Variants in COL5A3 observed in about 807,000 individuals in gnomAD.
COL5A3 encodes the protein collagen alpha-3(V) chain.
COL5A3 carries 172 observed loss-of-function variants against 250.0 expected under a neutral mutation model. The observed-to-expected ratio is 0.69, with a 90% confidence interval of 0.61 to 0.78. The LOEUF is 0.78. Ranked by LOEUF, COL5A3 falls within the 30% of genes least tolerant of loss-of-function variation. The pLI is 0.00. For synonymous variants in COL5A3, 937 were observed against 900.4 expected, an observed-to-expected ratio of 1.04 and a Z score of -0.73; for missense variants, 2,340 against 2,334.4, an observed-to-expected ratio of 1.00 and a Z score of -0.05.
chr19:9,970,510 G>A, intron 54 of COL5A3, 112 bp downstream of exon 54: 1 of 569,038 alleles, frequency 1.8e-6, no homozygotes. Flanking sequence ...AGTGGGGTCT[G>A]TGGGTGTGTG....
chr19:9,960,376 G>T lies in COL5A3; in HGVS notation c.*35C>A. 6.2e-7 allele frequency: 1 copy of T among 1,612,754 alleles called. No homozygotes were observed. The highest frequency in any genetic ancestry group is 8.5e-7 in the Non-Finnish European group (1 of 1,179,350). The stretch of plus-strand genomic sequence containing the variant: ...TCAGCACCAAATGCACCCCATTCTG[G>T]GGCTCCCTCATGGTCCCTCCCACCC... On this transcript the variant is annotated 3_prime_UTR_variant, in exon 67 of 67. Coordinates refer to ENST00000264828, the MANE Select transcript of COL5A3 (RefSeq NM_015719.4).
At chr19:9,980,536 T>C (rs2086993175) in intron 35 of COL5A3, 112 bp downstream of exon 35, 3 of 1,455,680 alleles carry the variant, frequency 2.1e-6, no homozygotes, top group African/African-American at 1.4e-5. Flanking sequence ...TAAGCTGTGC[T>C]CTTACCACTG....
At chr19:9,980,943 C>G in intron 33 of COL5A3, 84 bp from the exon 34 acceptor site, 4 of 1,510,696 alleles carry the variant, frequency 2.6e-6, no homozygotes, top group Non-Finnish European at 3.6e-6. Context: ...GGTCCCCTCC[C>G]CTTGTGACTC....
chr19:9,997,377 A>C lies in COL5A3; in HGVS notation c.1257T>G (p.Gly419=). 1 of 1,609,132 alleles carries C rather than the reference A, an allele frequency of 6.2e-7. No individual in the cohort carries two copies. The highest frequency in any genetic ancestry group is 8.5e-7 in the Non-Finnish European group (1 of 1,177,886). The change falls in exon 11 of 67, where the codon GGT becomes GGG. Residue 419 remains glycine (G), a synonymous_variant. Coordinates refer to ENST00000264828, the MANE Select transcript of COL5A3 (RefSeq NM_015719.4). ...PGPPGFPGDP[G]PPGPAGLPGI... ...CCCAGTGGGAGTCTCTTACCGGTGG[A>C]CCAGGGTCGCCAGGGAATCCTGGGG... is the stretch of plus-strand genomic sequence containing the variant.
chr19:9,985,386 G>C (rs1050921973), intron 31 of COL5A3, among the ~76,000 whole-genome samples: 1 of 150,010 alleles, frequency 6.7e-6, no homozygotes, highest in Admixed American at 6.7e-5. Context: ...TCAGCCTCCC[G>C]AGTGGCTAGG....
At chr19:9,987,252 T>C (rs1295827053) in intron 27 of COL5A3, among the ~76,000 whole-genome samples, 5 of 152,210 alleles carry the variant, frequency 3.3e-5, no homozygotes, top group Non-Finnish European at 7.3e-5. Context: ...CGGGCTACAA[T>C]GAAATTGCGC....
At chr19:9,969,217 T>C (rs1052539094) in intron 57 of COL5A3, 132 bp downstream of exon 57, 8 of 754,316 alleles carry the variant, frequency 1.1e-5, no homozygotes, top group Non-Finnish European at 1.8e-5. Context: ...AGATGGTTAG[T>C]AGAGACAGGC....
At chr19:9,990,610 TG>T in intron 24 of COL5A3, among the ~76,000 whole-genome samples, 1 of 151,840 alleles carries the variant, frequency 6.6e-6, no homozygotes, top group East Asian at 1.9e-4. Context: ...TCGCCCAGGC[TG>T]GAGTGCAGTG....
Position 9,981,117 on chromosome 19 carries a change from G to C in COL5A3, c.2476C>G (p.Pro826Ala), listed in dbSNP as rs540083434. Reference protein sequence around the residue: ...EKGKSGKTGQPGLEGERGPPG... With the variant: ...EKGKSGKTGQAGLEGERGPPG... ...GGTCCCCGCTCTCCTTCCAGGCCTG[G>C]CTGCCCTGTCTTTCCCTGAAAATGA... The change falls in exon 33 of 67, where the codon CCA (proline) becomes GCA (alanine). Residue 826 changes from proline to alanine, a missense_variant. By Grantham distance (27) the Pro-to-Ala change is conservative (BLOSUM62 -1). Around this residue, in one of 3 missense-constraint regions of COL5A3, gnomAD observed 1,152 missense variants for 1,146.3 expected, o/e 1.00. Transcript: ENST00000264828. The C allele has an allele frequency of 3.7e-6, 6 of 1,613,944 alleles. No homozygotes were observed. In the South Asian group the frequency reaches 5.5e-5, roughly 15 times the overall value.
At chr19:9,970,181 G>A (rs1333037288) in intron 54 of COL5A3, among the ~76,000 whole-genome samples, 2 of 105,322 alleles carry the variant, frequency 1.9e-5, no homozygotes, top group African/African-American at 3.8e-5. Context: ...GGGTCTGTGG[G>A]TGAGTGGGGT....
chr19:9,993,133 C>A, intron 19 of COL5A3, 66 bp from the exon 20 acceptor site: 1 of 1,531,542 alleles, frequency 6.5e-7, no homozygotes, highest in Non-Finnish European at 9.0e-7. Context: ...CTCCCCTCAT[C>A]TGGGCAGCCC....
chr19:9,987,581 A>AC lies in COL5A3; in HGVS notation c.2146-824dup, dbSNP rs549188978. On this transcript the variant is annotated intron_variant, in intron 27 of 66. Coordinates refer to ENST00000264828, the MANE Select transcript of COL5A3 (RefSeq NM_015719.4). ...GGAAAACCTCATCTATACAAAAAGT[A>AC]CAAAAAAAAAAGAAAAAAGGTAGCC... Among the ~76,000 whole-genome samples the AC allele has an allele frequency of 1.2e-3, 177 of 144,792 alleles. 3 individuals carry two copies. The South Asian group carries it at 0.034, about 28-fold the overall frequency. 95.0% of individuals were successfully genotyped at this position (144,792 alleles called of 152,430 possible). A position where few individuals can be genotyped will look rare whatever the true frequency, so the allele number is the denominator to read the frequency against.
intron 32 of COL5A3, 70 bp downstream of exon 32, chr19:9,981,995 A>G (rs2145096958): frequency 8.2e-7 from 1 of 1,219,278 alleles, no homozygotes; most frequent in Non-Finnish European, 1.2e-6. Context: ...ACCCATCATC[A>G]GACACAACCA....
intron 27 of COL5A3, 23 bp downstream of exon 27, chr19:9,989,101 A>G: frequency 6.2e-7 from 1 of 1,612,876 alleles, no homozygotes; most frequent in South Asian, 1.1e-5. Flanking sequence ...TAAATCACTC[A>G]TACCTGCAAG....
Position 9,989,327 on chromosome 19 carries a change from C to A in COL5A3, c.2086G>T (p.Ala696Ser), listed in dbSNP as rs997935024. ...CTAACCTCCTGGTCACTCACCTGAG[C>A]CCCTTTCTCTCCCGTGGGGCCCTCA... ...GHEGPTGEKG[A>S]QGPPGSAGPP... Residue 696 changes from alanine to serine, a missense_variant, in exon 26 of 67, where the codon GCT becomes TCT. By Grantham distance (99) the Ala-to-Ser change is moderately conservative (BLOSUM62 1). Around this residue, in one of 3 missense-constraint regions of COL5A3, gnomAD observed 1,152 missense variants for 1,146.3 expected, o/e 1.00. Transcript: ENST00000264828. 2 of 1,614,236 alleles carry A rather than the reference C, an allele frequency of 1.2e-6. No homozygotes were observed. Among genetic ancestry groups the A allele is most frequent in the Non-Finnish European group, 1.7e-6 (2 of 1,180,044 alleles).
intron 54 of COL5A3, among the ~76,000 whole-genome samples, chr19:9,970,390 G>A (rs867833519): frequency 2.3e-3 from 289 of 123,584 alleles, no homozygotes; most frequent in Middle Eastern, 9.3e-3. Flanking sequence ...GGGGCTGTGG[G>A]GTGAGTGGGG....
intron 34 of COL5A3, 55 bp from the exon 35 acceptor site, chr19:9,980,747 T>C: frequency 1.2e-6 from 2 of 1,613,974 alleles, no homozygotes; most frequent in East Asian, 4.5e-5. Flanking sequence ...TGGGAAGAAT[T>C]TGGAGGGACT....
In COL5A3 at chr19:9,996,121, T is replaced by C. The variant is rs2087266554; in HGVS notation, c.1480-2A>G. On this transcript the variant is annotated splice_acceptor_variant, in intron 14 of 66. Coordinates refer to ENST00000264828, the MANE Select transcript of COL5A3 (RefSeq NM_015719.4). LOFTEE classifies it high-confidence loss of function. The stretch of plus-strand genomic sequence containing the variant: ...CAGACCTGGATGCCCGGGGAGACCC[T>C]TGGGGGAGGAGAGATGGAGGAGTGT... 4 of 1,576,936 alleles carry C rather than the reference T, an allele frequency of 2.5e-6. No homozygotes were observed. The highest frequency in any genetic ancestry group is 3.4e-6 in the Non-Finnish European group (4 of 1,163,264).
chr19:10,010,357 G>A lies in COL5A3; in HGVS notation c.29C>T (p.Pro10Leu). 3 of 1,465,310 alleles carry A rather than the reference G, an allele frequency of 2.0e-6. No individual in the cohort carries two copies. The highest frequency in any genetic ancestry group is 2.7e-5 in the South Asian group (2 of 72,992). The allele number at this position is 1,465,310 out of a possible 1,614,324, so 90.8% of individuals were successfully genotyped here. A position where few individuals can be genotyped will look rare whatever the true frequency, so the allele number is the denominator to read the frequency against. Reference sequence around the variant, plus strand: ...CAGGAGCAGGCAGAGACCGGCCCGCGGCTGGCCCAGGTCCCGGCGGTTCCC... The same window carrying A: ...CAGGAGCAGGCAGAGACCGGCCCGCAGCTGGCCCAGGTCCCGGCGGTTCCC... MGNRRDLGQPRAGLCLLLAA... is the reference protein window; with the variant it reads MGNRRDLGQLRAGLCLLLAA... Residue 10 changes from proline to leucine, a missense_variant, in exon 1 of 67, where the codon CCG becomes CTG. This residue lies in a region of COL5A3 where 1,152 missense variants were observed against 1,146.3 expected (regional missense o/e 1.00). Coordinates refer to ENST00000264828, the MANE Select transcript of COL5A3 (RefSeq NM_015719.4).
Sources: gnomAD v4.1 joint callset for allele counts (sites outside exome capture counted in the v4.1 genomes callset) on GRCh38, gnomAD v4.1.1 for gene constraint, gnomAD v4.1.1 regional missense constraint, MANE v1.5 for transcripts, NCBI Gene and HGNC (gene_info 2026-07-23, HGNC 2026-07-21) for gene names.